RWDD1: variants seen among roughly 807,000 people sequenced by gnomAD.
RWDD1 encodes RWD domain-containing protein 1.
A neutral mutation model predicts 31.6 loss-of-function variants in RWDD1; 17 were observed. The ratio of observed to expected loss-of-function variants is 0.54; its 90% CI spans 0.37 to 0.81. The LOEUF (loss-of-function observed/expected upper bound fraction) is 0.81, where lower values mean the gene tolerates loss of function less well. Ranked by LOEUF, RWDD1 falls within the 30% of genes least tolerant of loss-of-function variation. The probability of loss-of-function intolerance (pLI) is 0.00; values close to 1 mark genes in which losing one functional copy is unlikely to be tolerated. For synonymous variants in RWDD1, 78 were observed against 94.2 expected, an observed-to-expected ratio of 0.83 and a Z score of 0.99; for missense variants, 204 against 274.5, an observed-to-expected ratio of 0.74 and a Z score of 1.82.
Position 116,594,187 on chromosome 6 carries a change from C to G in RWDD1, c.*1086C>G, listed in dbSNP as rs1484957830. The G allele has an allele frequency of 1.3e-5, 2 of 150,888 alleles. No individual in the cohort carries two copies. The highest frequency in any genetic ancestry group is 4.9e-5 in the African/African-American group (2 of 40,974). 9.3% of individuals were successfully genotyped at this position (150,888 alleles called of 1,614,324 possible). ...CTGCTCCCCACAGGAAGGCATTAAT[C>G]TATTTATGAGGGATCTACCTGCTAT... On this transcript the variant is annotated 3_prime_UTR_variant, in exon 7 of 7. Transcript: ENST00000466444.
At position 116,585,804 on chromosome 6, in the gene RWDD1, A is replaced by AT. The variant is rs540933634; in HGVS notation, c.270+955dup. Among the ~76,000 whole-genome samples the AT allele has an allele frequency of 3.6e-4, 54 of 151,452 alleles. No homozygotes were observed. In the East Asian group the frequency reaches 6.4e-3, roughly 18 times the overall value. ...CTAACATCTTTTTTTATATATTTTT[A>AT]TTTTTTTTGAGACAGAGTCTTGCTC... On this transcript the variant is annotated intron_variant, in intron 3 of 6. Transcript: ENST00000466444.
At position 116,593,912 on chromosome 6, in the gene RWDD1, T is replaced by C. The variant is rs1298172684; in HGVS notation, c.*811T>C. On this transcript the variant is annotated 3_prime_UTR_variant, in exon 7 of 7. Coordinates refer to ENST00000466444, the MANE Select transcript of RWDD1 (RefSeq NM_015952.4). ...GTGAGCCGAGATCACGCCACTGCAC[T>C]CCAGCCTGGGCAACAGAGCAAGACT... 1.3e-5 allele frequency: 2 copies of C among 150,648 alleles called. No homozygotes were observed. Among genetic ancestry groups the C allele is most frequent in the East Asian group, 1.9e-4 (1 of 5,136 alleles). The allele number at this position is 150,648 out of a possible 1,614,324, so 9.3% of individuals were successfully genotyped here.
chr6:116,584,676 T>A, intron 2 of RWDD1, 51 bp from the exon 3 acceptor site: 1 of 1,523,810 alleles, frequency 6.6e-7, no homozygotes, highest in Non-Finnish European at 9.0e-7. Flanking sequence ...CAAAGATATC[T>A]ACCTCTTTAC....
At chr6:116,574,696 CTTTT>C (rs1436339664) in intron 1 of RWDD1, among the ~76,000 whole-genome samples, 1 of 150,226 alleles carries the variant, frequency 6.7e-6, no homozygotes, top group African/African-American at 2.5e-5. Context: ...TCCTTCCTTC[CTTTT>C]CTTTCTTTCT....
intron 1 of RWDD1, among the ~76,000 whole-genome samples, chr6:116,573,801 A>C (rs1005665533): frequency 2.6e-5 from 4 of 151,702 alleles, no homozygotes; most frequent in African/African-American, 9.7e-5. Flanking sequence ...GCTCAATACT[A>C]TTAATGAAGG....
At chr6:116,590,696 A>C (rs1237085032) in intron 5 of RWDD1, among the ~76,000 whole-genome samples, 192 bp from the exon 6 acceptor site, 1 of 152,162 alleles carries the variant, frequency 6.6e-6, no homozygotes, top group African/African-American at 2.4e-5. Flanking sequence ...TAGTACCCCA[A>C]GGCAGACTGG....
chr6:116,578,719 T>C (rs922942382), intron 1 of RWDD1, among the ~76,000 whole-genome samples: 5 of 152,166 alleles, frequency 3.3e-5, no homozygotes, highest in African/African-American at 1.2e-4. Flanking sequence ...GCTGAAACTT[T>C]TTTCAGCATG....
intron 2 of RWDD1, among the ~76,000 whole-genome samples, chr6:116,582,253 G>GTT (rs35838384): frequency 4.3e-5 from 6 of 140,434 alleles, no homozygotes; most frequent in Admixed American, 1.4e-4. Flanking sequence ...AGTAGAATCA[G>GTT]TTTTTTTTTT....
intron 1 of RWDD1, among the ~76,000 whole-genome samples, chr6:116,579,136 A>G (rs1774905454): frequency 6.6e-6 from 1 of 152,348 alleles, no homozygotes; most frequent in Non-Finnish European, 1.5e-5. Flanking sequence ...TTGGCCTCCC[A>G]AAGTGCTGGG....
intron 1 of RWDD1, among the ~76,000 whole-genome samples, chr6:116,574,489 G>A (rs934760629): frequency 6.6e-6 from 1 of 152,082 alleles, no homozygotes; most frequent in African/African-American, 2.4e-5. Flanking sequence ...GGGCTCTCTC[G>A]TATTTTGTGG....
intron 1 of RWDD1, among the ~76,000 whole-genome samples, chr6:116,575,135 A>G (rs1427059358): frequency 6.6e-6 from 1 of 152,002 alleles, no homozygotes; most frequent in Non-Finnish European, 1.5e-5. Flanking sequence ...TGCCCAGGCT[A>G]AAGTACAGTG....
intron 1 of RWDD1, 69 bp downstream of exon 1, chr6:116,571,724 T>C (rs1774739800): frequency 2.8e-6 from 4 of 1,444,410 alleles, no homozygotes; most frequent in Non-Finnish European, 3.8e-6. Flanking sequence ...CTGCCGCAGC[T>C]CTGGGCCTCA....
At chr6:116,577,469 G>C (rs1178765902) in intron 1 of RWDD1, among the ~76,000 whole-genome samples, 2 of 126,686 alleles carry the variant, frequency 1.6e-5, no homozygotes, top group African/African-American at 5.4e-5. Context: ...TTGAATTAAA[G>C]CCCAGCTCTC....
Position 116,582,867 on chromosome 6 carries a change from T to C in RWDD1, c.140-1860T>C, listed in dbSNP as rs573741223. 2.5e-4 allele frequency among the ~76,000 whole-genome samples: 38 copies of C among 152,122 alleles called. No homozygotes were observed. In the South Asian group the frequency reaches 7.5e-3, roughly 30 times the overall value. ...TCTTCAGATCTTTATTTTTATTTGA[T>C]TGTAGGCATTTATTGCTATTAACTT... On this transcript the variant is annotated intron_variant, in intron 2 of 6. Transcript: ENST00000466444.
At chr6:116,584,929 G>A (rs1295045753) in intron 3 of RWDD1, 72 bp downstream of exon 3, 10 of 1,201,260 alleles carry the variant, frequency 8.3e-6, no homozygotes, top group Non-Finnish European at 1.2e-5. Flanking sequence ...AATTTCAAGA[G>A]TTAGAAAATG....
At position 116,571,648 on chromosome 6, in the gene RWDD1, C is replaced by T. The variant is rs1238469922; in HGVS notation, c.66C>T (p.Ser22=). Residue 22 remains serine, a synonymous_variant, in exon 1 of 7, where the codon TCC becomes TCT. Transcript: ENST00000466444. ...CCCTGGAGTCCATCTACCCTGACTC[C>T]TTCACAGGTGACTCCCGCGGCCGCA... ...LEALESIYPD[S]FTVLSENPPS... 8 of 1,612,640 alleles carry T rather than the reference C, an allele frequency of 5.0e-6. No individual in the cohort carries two copies. The East Asian group carries it at 1.8e-4, about 36-fold the overall frequency.
In RWDD1 at chr6:116,590,933, T is replaced by C; in HGVS notation, c.593T>C (p.Ile198Thr). 1.3e-6 allele frequency: 2 copies of C among 1,577,768 alleles called. No individual in the cohort carries two copies. The highest frequency in any genetic ancestry group is 1.7e-6 in the Non-Finnish European group (2 of 1,168,778). Residue 198 changes from isoleucine to threonine, a missense_variant, in exon 6 of 7, where the codon ATC becomes ACC. Transcript: ENST00000466444. ...ETDHNLDTSD[I>T]QFLEDAGNNV... ...GATCATAATCTTGACACATCTGATA[T>C]CCAGTTCTTGGAGGATGGTAAGATA...
intron 1 of RWDD1, among the ~76,000 whole-genome samples, chr6:116,575,703 A>G (rs995486747): frequency 1.3e-5 from 2 of 152,234 alleles, no homozygotes; most frequent in African/African-American, 4.8e-5. Flanking sequence ...GCTCTTGCAC[A>G]TATAAGAGAG....
chr6:116,575,336 TC>T (rs1774820013), intron 1 of RWDD1, among the ~76,000 whole-genome samples: 1 of 152,032 alleles, frequency 6.6e-6, no homozygotes, highest in African/African-American at 2.4e-5. Context: ...TCCACCCACT[TC>T]GGCCTCCCAA....
Sources: gnomAD v4.1 joint callset for allele counts (sites outside exome capture counted in the v4.1 genomes callset) on GRCh38, gnomAD v4.1.1 for gene constraint, MANE v1.5 for transcripts, NCBI Gene and HGNC (gene_info 2026-07-23, HGNC 2026-07-21) for gene names.